RPS6KA2: variants seen among roughly 807,000 people sequenced by gnomAD.
RPS6KA2 encodes ribosomal protein S6 kinase A2, also known as ribosomal protein S6 kinase alpha-2.
In RPS6KA2, 42 loss-of-function variants were observed where a neutral mutation model predicts 91.8. That is an observed-to-expected ratio of 0.46 (90% CI 0.36 to 0.59). RPS6KA2 has a LOEUF of 0.59. RPS6KA2 is among the 20% of genes least tolerant of loss of function. The pLI is 0.00. For missense variants in RPS6KA2, 798 were observed against 978.5 expected (o/e 0.82, Z 2.46); for synonymous variants, 414 against 393.6 (o/e 1.05, Z -0.61).
chr6:166,504,486 C>G lies in RPS6KA2; in HGVS notation c.566+20G>C. ...AGCTGATGGGCGTGGGGAAGTCAGC[C>G]CTAGTTTTTTCTCACTTACTTCTCA... On this transcript the variant is annotated intron_variant, in intron 6 of 20. Transcript: ENST00000265678. The G allele has an allele frequency of 6.7e-7, 1 of 1,487,914 alleles. No individual in the cohort carries two copies. The allele number at this position is 1,487,914 out of a possible 1,614,324, so 92.2% of individuals were successfully genotyped here. A position where few individuals can be genotyped will look rare whatever the true frequency, so the allele number is the denominator to read the frequency against.
chr6:166,699,705 T>C (rs887170685), intron 2 of RPS6KA2, among the ~76,000 whole-genome samples: 2 of 152,206 alleles, frequency 1.3e-5, no homozygotes, highest in African/African-American at 4.8e-5. Context: ...ATGAGTTCGG[T>C]ATCAAAGGTC....
In RPS6KA2 at chr6:166,825,290, A is replaced by T. The variant is rs1441147705; in HGVS notation, c.123+32910T>A. 6.6e-6 allele frequency among the ~76,000 whole-genome samples: 1 copy of T among 152,196 alleles called. No individual in the cohort carries two copies. The highest frequency in any genetic ancestry group is 1.5e-5 in the Non-Finnish European group (1 of 68,026). ...GGCTGATGGTGCCGTGACTGCTGGG[A>T]ATCCAGGGTACCCGTGGCTGTGAGG... is the stretch of plus-strand genomic sequence containing the variant. On this transcript the variant is annotated intron_variant, in intron 2 of 21. Coordinates refer to the RPS6KA2 transcript ENST00000503859. The surrounding 1 kb of genome is among the most constrained non-coding windows in gnomAD (Gnocchi z 4.1).
intron 2 of RPS6KA2, among the ~76,000 whole-genome samples, chr6:166,754,278 C>G (rs1291063849): frequency 3.3e-5 from 5 of 152,208 alleles, no homozygotes; most frequent in African/African-American, 1.2e-4. Flanking sequence ...GGTCAGGAGA[C>G]AACTGTCAGC....
chr6:166,415,934 A>C (rs1159087305), intron 19 of RPS6KA2, among the ~76,000 whole-genome samples: 2 of 133,210 alleles, frequency 1.5e-5, no homozygotes, highest in Admixed American at 7.7e-5. Context: ...CACCCCCACC[A>C]TTACCCTCAC....
chr6:166,567,113 A>T (rs1035904769), intron 1 of RPS6KA2, among the ~76,000 whole-genome samples: 4 of 152,252 alleles, frequency 2.6e-5, no homozygotes, highest in Non-Finnish European at 1.5e-5. Flanking sequence ...GGAAGACATC[A>T]CAAACACAGA....
rs1346351681 is a variant in RPS6KA2 at position 166,508,444 on chromosome 6, CG to C, written c.380-163del. ...GTGACCAGCTCAGAGGGGCAGCACC[CG>C]GCAGAGGGGGTCTGACACTGTGAGC... On this transcript the variant is annotated intron_variant, in intron 4 of 20. Transcript: ENST00000265678. This position sits in a 1 kb window ranked among gnomAD's most constrained non-coding sequence, Gnocchi z 4.3. 6.7e-6 allele frequency among the ~76,000 whole-genome samples: 1 copy of C among 149,552 alleles called. No individual in the cohort carries two copies. The highest frequency in any genetic ancestry group is 1.5e-5 in the Non-Finnish European group (1 of 67,498).
At chr6:166,788,249 C>A (rs778016324) in intron 2 of RPS6KA2, among the ~76,000 whole-genome samples, 4 of 152,124 alleles carry the variant, frequency 2.6e-5, no homozygotes, top group Admixed American at 6.5e-5. Flanking sequence ...GAGTGTAACT[C>A]GGTTCAACCA....
chr6:166,725,901 G>T (rs1220169710), intron 2 of RPS6KA2, among the ~76,000 whole-genome samples: 2 of 152,240 alleles, frequency 1.3e-5, no homozygotes, highest in East Asian at 3.9e-4. Context: ...CATCACTTGT[G>T]ATTCCCCAGC....
chr6:166,770,943 C>A lies in RPS6KA2; in HGVS notation c.123+87257G>T. The A allele has an allele frequency of 6.3e-7, 1 of 1,590,458 alleles. No homozygotes were observed. The highest frequency in any genetic ancestry group is 8.5e-7 in the Non-Finnish European group (1 of 1,176,658). On this transcript the variant is annotated intron_variant, in intron 2 of 21. Coordinates refer to the RPS6KA2 transcript ENST00000503859. This position sits in a 1 kb window ranked among gnomAD's most constrained non-coding sequence, Gnocchi z 5.1. Reference sequence around the variant, plus strand: ...GAAAATGGAAACGAAGAAAGAATTCCTTTAAGTCACAGGACGTATTTACAG... The same window carrying A: ...GAAAATGGAAACGAAGAAAGAATTCATTTAAGTCACAGGACGTATTTACAG...
In RPS6KA2 at chr6:166,563,403, T is replaced by TG. The variant is rs1784400907; in HGVS notation, c.100-24620dup. Among the ~76,000 whole-genome samples the TG allele has an allele frequency of 6.6e-6, 1 of 152,142 alleles. No individual in the cohort carries two copies. The highest frequency in any genetic ancestry group is 2.4e-5 in the African/African-American group (1 of 41,422). ...AGTCTCCTGGGCTCGCCGCCAGCGGTGGGATCCCTCTTCCTGCACAGAACC... is the reference window on the plus strand; with the variant it reads ...AGTCTCCTGGGCTCGCCGCCAGCGGTGGGGATCCCTCTTCCTGCACAGAACC... On this transcript the variant is annotated intron_variant, in intron 1 of 20. Transcript: ENST00000265678. The surrounding 1 kb of genome is among the most constrained non-coding windows in gnomAD (Gnocchi z 4.1).
Position 166,725,599 on chromosome 6 carries a change from G to A in RPS6KA2, c.123+132601C>T, listed in dbSNP as rs944937576. 2.6e-5 allele frequency among the ~76,000 whole-genome samples: 4 copies of A among 152,222 alleles called. No individual in the cohort carries two copies. The South Asian group carries it at 6.2e-4, about 24-fold the overall frequency. On this transcript the variant is annotated intron_variant, in intron 2 of 21. Coordinates refer to the RPS6KA2 transcript ENST00000503859. ...CGAAGGGAGGTGGAGGAGGTGGGGC[G>A]CACACACGGAACCAAAGGAGTGTGA... is the stretch of plus-strand genomic sequence containing the variant.
At position 166,448,547 on chromosome 6, in the gene RPS6KA2, C is replaced by T. The variant is rs1001046784; in HGVS notation, c.1332+177G>A. ...GCTGGAGTCACTGCACAGCTGAGCACGTGAGCACATATGCTGTGCTCCTAT... is the reference window on the plus strand; with the variant it reads ...GCTGGAGTCACTGCACAGCTGAGCATGTGAGCACATATGCTGTGCTCCTAT... On this transcript the variant is annotated intron_variant, in intron 14 of 20. Coordinates refer to ENST00000265678, the MANE Select transcript of RPS6KA2 (RefSeq NM_021135.6). This position sits in a 1 kb window ranked among gnomAD's most constrained non-coding sequence, Gnocchi z 4.7. 6.6e-6 allele frequency among the ~76,000 whole-genome samples: 1 copy of T among 152,202 alleles called. No homozygotes were observed. The highest frequency in any genetic ancestry group is 1.5e-5 in the Non-Finnish European group (1 of 68,036).
At chr6:166,422,925 G>C (rs533644233) in intron 17 of RPS6KA2, among the ~76,000 whole-genome samples, 1 of 152,318 alleles carries the variant, frequency 6.6e-6, no homozygotes, top group East Asian at 1.9e-4. Flanking sequence ...CGTCCTGGTT[G>C]TATAAGGAGA....
chr6:166,542,706 G>A (rs1046922913), intron 1 of RPS6KA2, among the ~76,000 whole-genome samples: 2 of 152,238 alleles, frequency 1.3e-5, no homozygotes, highest in Admixed American at 1.3e-4. Context: ...CGGCTGGGAA[G>A]TGGGAGTGAC....
intron 2 of RPS6KA2, among the ~76,000 whole-genome samples, chr6:166,673,174 G>A (rs949085929): frequency 1.3e-5 from 2 of 152,124 alleles, no homozygotes; most frequent in South Asian, 2.1e-4. Context: ...GTGGATGAAG[G>A]GCACCTTCTC....
rs569255590 is a variant in RPS6KA2, at chr6:166,770,663, A to G, written c.123+87537T>C. On this transcript the variant is annotated intron_variant, in intron 2 of 21. Transcript: ENST00000503859. The surrounding 1 kb of genome is among the most constrained non-coding windows in gnomAD (Gnocchi z 5.1). ...GGACATTACTGCACAAAGCACTCGGATTCCCCACAGGATGCCAAAAAATTC... is the reference window on the plus strand; with the variant it reads ...GGACATTACTGCACAAAGCACTCGGGTTCCCCACAGGATGCCAAAAAATTC... 6.6e-6 allele frequency among the ~76,000 whole-genome samples: 1 copy of G among 152,356 alleles called. No individual in the cohort carries two copies. Among genetic ancestry groups the G allele is most frequent in the South Asian group, 2.1e-4 (1 of 4,828 alleles).
At chr6:166,735,921 A>C (rs1562408304) in intron 2 of RPS6KA2, among the ~76,000 whole-genome samples, 1 of 152,268 alleles carries the variant, frequency 6.6e-6, no homozygotes, top group Non-Finnish European at 1.5e-5. Context: ...AGAAAGAGGC[A>C]GCACACTGGG....
intron 1 of RPS6KA2, among the ~76,000 whole-genome samples, chr6:166,596,117 T>C (rs1361222823): frequency 1.3e-5 from 2 of 152,226 alleles, no homozygotes; most frequent in South Asian, 2.1e-4. Context: ...CTAGAGTTGA[T>C]GTGCAGGAGG....
intron 2 of RPS6KA2, among the ~76,000 whole-genome samples, chr6:166,643,705 A>G (rs956679410): frequency 1.3e-5 from 2 of 152,214 alleles, no homozygotes; most frequent in Admixed American, 1.3e-4. Flanking sequence ...AATTTTGTTT[A>G]CCAAGATTAA....
Sources: allele counts gnomAD v4.1 joint callset (sites outside exome capture counted in the v4.1 genomes callset), GRCh38; gene constraint gnomAD v4.1.1; non-coding constraint Gnocchi (gnomAD v3.1); transcripts MANE v1.5; gene names NCBI Gene and HGNC (gene_info 2026-07-23, HGNC 2026-07-21).